BCLAF1: variants seen among roughly 807,000 people sequenced by gnomAD.
The protein encoded by BCLAF1 is BCL2 associated transcription factor 1.
BCLAF1 carries 10 observed loss-of-function variants against 99.5 expected under a neutral mutation model. That is an observed-to-expected ratio of 0.10 (90% CI 0.06 to 0.17). BCLAF1 has a LOEUF of 0.17. BCLAF1 is among the 10% of genes least tolerant of loss of function. The pLI is 1.00. For missense variants in BCLAF1, 636 were observed against 1,105.8 expected (o/e 0.58, Z 6.02); for synonymous variants, 255 against 370.9 (o/e 0.69, Z 3.59).
intron 6 of BCLAF1, chr6:136,274,086 G>A: frequency 7.8e-7 from 1 of 1,287,946 alleles, no homozygotes; most frequent in Non-Finnish European, 1.0e-6. Flanking sequence ...CAGTTTTTAT[G>A]CCATTTTTGC....
chr6:136,260,274 A>G lies in BCLAF1; in HGVS notation c.*836T>C, dbSNP rs1439535813. ...GGATTACAGTTTTTCTTCTGTTTAAAACTAGGATGTTCAGTAGAAATGGGG... is the reference window on the plus strand; with the variant it reads ...GGATTACAGTTTTTCTTCTGTTTAAGACTAGGATGTTCAGTAGAAATGGGG... On this transcript the variant is annotated 3_prime_UTR_variant, in exon 13 of 13. Coordinates refer to ENST00000531224, the MANE Select transcript of BCLAF1 (RefSeq NM_014739.3). The G allele has an allele frequency of 2.0e-5, 3 of 151,992 alleles. No homozygotes were observed. The highest frequency in any genetic ancestry group is 4.4e-5 in the Non-Finnish European group (3 of 67,894). 9.4% of individuals were successfully genotyped at this position (151,992 alleles called of 1,614,324 possible).
At chr6:136,266,891 T>A (rs532226156) in intron 11 of BCLAF1, 138 bp downstream of exon 11, 4 of 1,125,984 alleles carry the variant, frequency 3.6e-6, no homozygotes, top group East Asian at 5.0e-5. Flanking sequence ...TCAAATCGTC[T>A]GGGTAATTAT....
chr6:136,267,611 G>A (rs1038688354), intron 10 of BCLAF1, among the ~76,000 whole-genome samples: 16 of 151,828 alleles, frequency 1.1e-4, no homozygotes, highest in African/African-American at 3.6e-4. Flanking sequence ...CAAGGTAGGA[G>A]TGTGAATCTT....
chr6:136,280,217 C>T (rs1035222505), intron 2 of BCLAF1, among the ~76,000 whole-genome samples: 2 of 152,140 alleles, frequency 1.3e-5, no homozygotes, highest in Admixed American at 1.3e-4. Flanking sequence ...AATACAAATG[C>T]CTACCCCTCC....
chr6:136,286,067 C>G (rs760892779), intron 1 of BCLAF1, among the ~76,000 whole-genome samples: 1 of 152,088 alleles, frequency 6.6e-6, no homozygotes, highest in Admixed American at 6.5e-5. Context: ...CCACTGCACT[C>G]CAGGCTGGGC....
At position 136,259,430 on chromosome 6, in the gene BCLAF1, A is replaced by C. The variant is rs944922461; in HGVS notation, c.*1680T>G. On this transcript the variant is annotated 3_prime_UTR_variant, in exon 13 of 13. Transcript: ENST00000531224. ...TCATGAAAATTCTGTGTTGGGAATC[A>C]CATCCATGTTGCTTTCACACGTAAA... is the stretch of plus-strand genomic sequence containing the variant. The C allele has an allele frequency of 6.6e-6, 1 of 152,118 alleles. No homozygotes were observed. Among genetic ancestry groups the C allele is most frequent in the Non-Finnish European group, 1.5e-5 (1 of 67,928 alleles). 9.4% of individuals were successfully genotyped at this position (152,118 alleles called of 1,614,324 possible).
Position 136,277,769 on chromosome 6 carries a change from G to A in BCLAF1, c.1016+96C>T, listed in dbSNP as rs556308099. ...AGGAAGTCAAGAGTAAAAACCGCTAGTTAAATACATATCACAATTTTACGT... is the reference window on the plus strand; with the variant it reads ...AGGAAGTCAAGAGTAAAAACCGCTAATTAAATACATATCACAATTTTACGT... On this transcript the variant is annotated intron_variant, in intron 4 of 12. Coordinates refer to ENST00000531224, the MANE Select transcript of BCLAF1 (RefSeq NM_014739.3). 26 of 1,413,482 alleles carry A rather than the reference G, an allele frequency of 1.8e-5. No homozygotes were observed. In the African/African-American group the frequency reaches 2.9e-4, roughly 16 times the overall value. 87.6% of individuals were successfully genotyped at this position (1,413,482 alleles called of 1,614,324 possible). A position where few individuals can be genotyped will look rare whatever the true frequency, so the allele number is the denominator to read the frequency against.
At position 136,289,832 on chromosome 6, in the gene BCLAF1, C is replaced by G. The variant is rs1246067689; in HGVS notation, c.-234G>C. 1 of 152,710 alleles carries G rather than the reference C, an allele frequency of 6.5e-6. No homozygotes were observed. Among genetic ancestry groups the G allele is most frequent in the Non-Finnish European group, 1.5e-5 (1 of 68,064 alleles). The allele number at this position is 152,710 out of a possible 1,614,324, so 9.5% of individuals were successfully genotyped here. On this transcript the variant is annotated 5_prime_UTR_variant, in exon 1 of 13. Coordinates refer to ENST00000531224, the MANE Select transcript of BCLAF1 (RefSeq NM_014739.3). Reference sequence around the variant, plus strand: ...TACCTTCGACGCGCTAGCACGTCTCCGTCACTTCCGATCTGGGGCGTGGCC... The same window carrying G: ...TACCTTCGACGCGCTAGCACGTCTCGGTCACTTCCGATCTGGGGCGTGGCC...
At chr6:136,271,794 T>TC (rs1343229708) in intron 8 of BCLAF1, 6 of 381,088 alleles carry the variant, frequency 1.6e-5, no homozygotes, top group Non-Finnish European at 2.9e-5. Flanking sequence ...GAAAAAACAC[T>TC]CTTGGTTTAA....
At chr6:136,285,875 G>A (rs944357980) in intron 1 of BCLAF1, among the ~76,000 whole-genome samples, 11 of 152,050 alleles carry the variant, frequency 7.2e-5, no homozygotes, top group Non-Finnish European at 7.4e-5. Flanking sequence ...CGAGGTGAGC[G>A]GATCCTGAGG....
chr6:136,268,108 C>T (rs1174919070), intron 10 of BCLAF1, 54 bp downstream of exon 10: 1 of 1,444,284 alleles, frequency 6.9e-7, no homozygotes, highest in Admixed American at 2.5e-5. Context: ...TCCTTATGTA[C>T]AGTACTCTAA....
chr6:136,260,899 C>T lies in BCLAF1; in HGVS notation c.*211G>A, dbSNP rs189589087. On this transcript the variant is annotated 3_prime_UTR_variant, in exon 13 of 13. Coordinates refer to ENST00000531224, the MANE Select transcript of BCLAF1 (RefSeq NM_014739.3). Reference sequence around the variant, plus strand: ...AAAGTTGATAGTTACAAATATGGTACGTAACAATTTTCTACTTTATTTCAG... The same window carrying T: ...AAAGTTGATAGTTACAAATATGGTATGTAACAATTTTCTACTTTATTTCAG... The T allele has an allele frequency of 3.5e-4, 185 of 522,942 alleles. 1 individual carries two copies. Among genetic ancestry groups the T allele is most frequent in the Admixed American group, 1.9e-3 (49 of 26,094 alleles). 32.4% of individuals were successfully genotyped at this position (522,942 alleles called of 1,614,324 possible). A position where few individuals can be genotyped will look rare whatever the true frequency, so the allele number is the denominator to read the frequency against.
chr6:136,279,463 T>C (rs191324886), intron 3 of BCLAF1: 4 of 183,616 alleles, frequency 2.2e-5, no homozygotes, highest in Non-Finnish European at 4.5e-5. Flanking sequence ...AATTCTTGCA[T>C]TACCCAATTC....
At chr6:136,289,595 C>T (rs1003934636) in intron 1 of BCLAF1, 118 bp downstream of exon 1, 1 of 152,326 alleles carries the variant, frequency 6.6e-6, no homozygotes, top group Admixed American at 6.5e-5. Context: ...AACGGCGCAA[C>T]GTCTCCTTGG....
In BCLAF1 at chr6:136,258,863, T is replaced by C. The variant is rs575341770; in HGVS notation, c.*2247A>G. ...ATACACACCTAAAGAGTCATGGCCT[T>C]CTTAAACAGCTTTCTTAATCCTTTC... is the stretch of plus-strand genomic sequence containing the variant. On this transcript the variant is annotated 3_prime_UTR_variant, in exon 13 of 13. Coordinates refer to ENST00000531224, the MANE Select transcript of BCLAF1 (RefSeq NM_014739.3). 2.0e-5 allele frequency: 3 copies of C among 152,592 alleles called. No individual in the cohort carries two copies. Among genetic ancestry groups the C allele is most frequent in the East Asian group, 1.9e-4 (1 of 5,184 alleles). The allele number at this position is 152,592 out of a possible 1,614,324, so 9.5% of individuals were successfully genotyped here.
intron 9 of BCLAF1, 67 bp from the exon 10 acceptor site, chr6:136,268,406 A>C: frequency 7.3e-7 from 1 of 1,371,602 alleles, no homozygotes; most frequent in Non-Finnish European, 1.0e-6. Context: ...GAATCTTACA[A>C]CAGAAGAGAT....
intron 8 of BCLAF1, chr6:136,269,816 G>A (rs902529033): frequency 1.0e-5 from 4 of 394,090 alleles, no homozygotes; most frequent in African/African-American, 6.2e-5. Flanking sequence ...TATACAAAGT[G>A]CAGTGGGACT....
At position 136,268,165 on chromosome 6, in the gene BCLAF1, G is replaced by C; in HGVS notation, c.2394C>G (p.Thr798=). 1 of 1,522,476 alleles carries C rather than the reference G, an allele frequency of 6.6e-7. No homozygotes were observed. The highest frequency in any genetic ancestry group is 8.8e-7 in the Non-Finnish European group (1 of 1,140,762). The allele number at this position is 1,522,476 out of a possible 1,614,324, so 94.3% of individuals were successfully genotyped here. ...GFAGVSRPRG[T]FFRIRGRGRA... ...CAAAGATAATTTTTTCACTTACAAAGGTTCCTCGTGGTCGGCTAACTCCTG... is the reference window on the plus strand; with the variant it reads ...CAAAGATAATTTTTTCACTTACAAACGTTCCTCGTGGTCGGCTAACTCCTG... The change falls in exon 10 of 13, where the codon ACC becomes ACG. Residue 798 remains threonine (T), a synonymous_variant. Coordinates refer to ENST00000531224, the MANE Select transcript of BCLAF1 (RefSeq NM_014739.3).
At chr6:136,264,092 AAATAG>A (rs1178463647) in intron 11 of BCLAF1, among the ~76,000 whole-genome samples, 1 of 152,076 alleles carries the variant, frequency 6.6e-6, no homozygotes, top group African/African-American at 2.4e-5. Flanking sequence ...CCATCCACAA[AAATAG>A]AATAATGGCC....
Sources: allele counts gnomAD v4.1 joint callset (sites outside exome capture counted in the v4.1 genomes callset), GRCh38; gene constraint gnomAD v4.1.1; transcripts MANE v1.5; gene names NCBI Gene and HGNC (gene_info 2026-07-23, HGNC 2026-07-21).